Variants in FSIP2 observed in about 807,000 individuals in gnomAD.
FSIP2 encodes the protein fibrous sheath-interacting protein 2.
Under a neutral mutation model 510.5 loss-of-function variants are expected in FSIP2, and 367 were observed. That is an observed-to-expected ratio of 0.72 (90% CI 0.66 to 0.78). FSIP2 has a LOEUF of 0.78. Ranked by LOEUF, FSIP2 falls within the 30% of genes least tolerant of loss-of-function variation. The pLI, the probability that FSIP2 is intolerant of heterozygous loss-of-function variation, is 0.00. For synonymous variants in FSIP2, 2,601 were observed against 2,732.2 expected, an observed-to-expected ratio of 0.95 and a Z score of 1.50; for missense variants, 7,594 against 7,901.7, an observed-to-expected ratio of 0.96 and a Z score of 1.48.
chr2:185,826,807 T>A (rs182965081), intron 20 of FSIP2, among the ~76,000 whole-genome samples: 1 of 151,894 alleles, frequency 6.6e-6, no homozygotes, highest in Admixed American at 6.6e-5. Flanking sequence ...TCTTTTTTGG[T>A]TATGTTGAGA....
chr2:185,829,407 T>C (rs543650237), intron 21 of FSIP2, among the ~76,000 whole-genome samples: 25 of 151,844 alleles, frequency 1.6e-4, no homozygotes, highest in Admixed American at 2.6e-4. Flanking sequence ...CCATTGTGAG[T>C]TTCCTGGGTT....
intron 19 of FSIP2, among the ~76,000 whole-genome samples, chr2:185,824,086 A>G (rs1008832637): frequency 3.3e-5 from 5 of 151,756 alleles, no homozygotes; most frequent in African/African-American, 9.7e-5. Flanking sequence ...GGAGAGAGGG[A>G]AATTAGGCTT....
rs1692392004 is a variant in FSIP2, at chr2:185,763,224, C to T, written c.1282C>T (p.Gln428Ter). The T allele has an allele frequency of 6.6e-7, 1 of 1,517,756 alleles. No individual in the cohort carries two copies. Among genetic ancestry groups the T allele is most frequent in the Non-Finnish European group, 8.8e-7 (1 of 1,130,922 alleles). The allele number at this position is 1,517,756 out of a possible 1,614,324, so 94.0% of individuals were successfully genotyped here. The change falls in exon 12 of 23, where the codon CAG becomes TAG. Residue 428 changes from glutamine (Q) to a stop codon, truncating the protein, a stop_gained. Transcript: ENST00000424728. LOFTEE classifies it high-confidence loss of function. ...ISGQGSIISA[Q>*]VSPTRNFSRV... Reference sequence around the variant, plus strand: ...AGGCCAAGGTTCAATTATTTCAGCGCAGGTATCACCCACGAGAAATTTTTC... The same window carrying T: ...AGGCCAAGGTTCAATTATTTCAGCGTAGGTATCACCCACGAGAAATTTTTC...
Position 185,764,488 on chromosome 2 carries a change from T to C in FSIP2, c.1348-14T>C. 6.6e-7 allele frequency: 1 copy of C among 1,516,596 alleles called. No individual in the cohort carries two copies. The highest frequency in any genetic ancestry group is 8.8e-7 in the Non-Finnish European group (1 of 1,133,008). 93.9% of individuals were successfully genotyped at this position (1,516,596 alleles called of 1,614,324 possible). On this transcript the variant is annotated splice_polypyrimidine_tract_variant and intron_variant, in intron 12 of 22. Coordinates refer to ENST00000424728, the MANE Select transcript of FSIP2 (RefSeq NM_173651.4). ...TTTGTGGATCTATTTGTTTTGCTGTTGTGAATTATGTAGAAGGAGACAAAT... is the reference window on the plus strand; with the variant it reads ...TTTGTGGATCTATTTGTTTTGCTGTCGTGAATTATGTAGAAGGAGACAAAT...
At position 185,803,458 on chromosome 2, in the gene FSIP2, G is replaced by A. The variant is rs1040819132; in HGVS notation, c.14152G>A (p.Asp4718Asn). ...TGAAATGGAAGTCGTGCCCAATAAA[G>A]ATTTTCTAAATGACACAAAGACATT... The part of the protein sequence containing the change: ...EYEMEVVPNK[D>N]FLNDTKTLAA... Residue 4718 changes from aspartate to asparagine, a missense_variant, in exon 17 of 23, where the codon GAT becomes AAT. Physicochemically the swap from Asp to Asn is conservative, Grantham distance 23 (BLOSUM62 1). Transcript: ENST00000424728. The A allele has an allele frequency of 7.2e-6, 11 of 1,529,050 alleles. No homozygotes were observed. In the African/African-American group the frequency reaches 1.4e-4, roughly 19 times the overall value. The allele number at this position is 1,529,050 out of a possible 1,614,324, so 94.7% of individuals were successfully genotyped here.
Position 185,801,454 on chromosome 2 carries a change from G to C in FSIP2, c.12148G>C (p.Val4050Leu). The change falls in exon 17 of 23, where the codon GTT (valine) becomes CTT (leucine). Residue 4050 changes from valine (V) to leucine (L), a missense_variant. Transcript: ENST00000424728. ...AACTGTTAGCAAAATTGTTGACTCA[G>C]TTTATTATGATGTTTTACAGCAGTA... The part of the protein sequence containing the change: ...TETVSKIVDS[V>L]YYDVLQQYEL... The C allele has an allele frequency of 6.5e-7, 1 of 1,533,902 alleles. No homozygotes were observed. The highest frequency in any genetic ancestry group is 8.7e-7 in the Non-Finnish European group (1 of 1,145,454).
chr2:185,808,360 T>C lies in FSIP2; in HGVS notation c.19054T>C (p.Leu6352=), dbSNP rs1213986160. 4 of 1,611,444 alleles carry C rather than the reference T, an allele frequency of 2.5e-6. No homozygotes were observed. The highest frequency in any genetic ancestry group is 3.4e-6 in the Non-Finnish European group (4 of 1,179,158). ...TLDAKLLEEV[L]ALFLAKLIRL... is the part of the protein sequence containing the mutation. ...AGATGCCAAACTTTTAGAAGAGGTG[T>C]TGGCCTTGTTCTTGGCTAAACTAAT... The change falls in exon 17 of 23, where the codon TTG becomes CTG. Residue 6352 remains leucine (L), a synonymous_variant. Transcript: ENST00000424728.
chr2:185,744,463 C>T, intron 4 of FSIP2, 52 bp downstream of exon 4: 1 of 397,148 alleles, frequency 2.5e-6, no homozygotes, highest in Non-Finnish European at 4.3e-6. Context: ...GGAAGAAATG[C>T]TTGATTATAT....
intron 15 of FSIP2, among the ~76,000 whole-genome samples, chr2:185,786,592 T>C (rs1692984485): frequency 6.6e-6 from 1 of 151,928 alleles, no homozygotes; most frequent in Admixed American, 6.6e-5. Context: ...ACAAGCCTAT[T>C]ATATCATGGG....
Position 185,833,073 on chromosome 2 carries a change from G to C in FSIP2, c.20588-17G>C. The C allele has an allele frequency of 1.2e-6, 2 of 1,607,860 alleles. No individual in the cohort carries two copies. The highest frequency in any genetic ancestry group is 1.1e-5 in the South Asian group (1 of 90,604). On this transcript the variant is annotated splice_polypyrimidine_tract_variant and intron_variant, in intron 22 of 22. Coordinates refer to ENST00000424728, the MANE Select transcript of FSIP2 (RefSeq NM_173651.4). The stretch of plus-strand genomic sequence containing the variant: ...CAAAAATAAAGATATCATTCTTCTT[G>C]TTTACTTTGTCCACAGAAACTCCCA...
chr2:185,745,486 TG>T lies in FSIP2; in HGVS notation c.536del (p.Cys179LeufsTer11), dbSNP rs1559009017. ...IPENNQIPQH[C>X]DVAQVQNWLL... Reference sequence around the variant, plus strand: ...GGAAAACAATCAAATCCCTCAACATTGTGATGTTGCACAAGTCCAAAACTGG... The same window carrying T: ...GGAAAACAATCAAATCCCTCAACATTTGATGTTGCACAAGTCCAAAACTGG... On this transcript the variant is annotated frameshift_variant, in exon 5 of 23. Transcript: ENST00000424728. LOFTEE classifies it high-confidence loss of function. The T allele has an allele frequency of 6.5e-7, 1 of 1,534,554 alleles. No individual in the cohort carries two copies. The highest frequency in any genetic ancestry group is 2.0e-5 in the Admixed American group (1 of 50,958).
Position 185,794,080 on chromosome 2 carries a change from C to T in FSIP2, c.6944C>T (p.Ser2315Leu), listed in dbSNP as rs1693208755. 6.5e-7 allele frequency: 1 copy of T among 1,530,590 alleles called. No homozygotes were observed. Among genetic ancestry groups the T allele is most frequent in the East Asian group, 2.5e-5 (1 of 40,752 alleles). The allele number at this position is 1,530,590 out of a possible 1,614,324, so 94.8% of individuals were successfully genotyped here. A position where few individuals can be genotyped will look rare whatever the true frequency, so the allele number is the denominator to read the frequency against. The change falls in exon 16 of 23, where the codon TCA (serine) becomes TTA (leucine). Residue 2315 changes from serine to leucine, a missense_variant. Ser to Leu is a moderately radical substitution (Grantham distance 145). Transcript: ENST00000424728. ...VESDVNVLKISATETILSQEL... is the reference protein window; with the variant it reads ...VESDVNVLKILATETILSQEL... The stretch of plus-strand genomic sequence containing the variant: ...TCAGATGTAAATGTCCTGAAAATAT[C>T]AGCAACTGAAACCATTCTCAGCCAA...
At position 185,797,431 on chromosome 2, in the gene FSIP2, T is replaced by C. The variant is rs1337289222; in HGVS notation, c.10295T>C (p.Phe3432Ser). 6.5e-7 allele frequency: 1 copy of C among 1,531,894 alleles called. No individual in the cohort carries two copies. Among genetic ancestry groups the C allele is most frequent in the Non-Finnish European group, 8.7e-7 (1 of 1,145,464 alleles). 94.9% of individuals were successfully genotyped at this position (1,531,894 alleles called of 1,614,324 possible). ...GTGAAGGAAGTTGAAGCCTTTACTT[T>C]TGCTGATCATGAAATGGGTTCCAAT... ...ETVKEVEAFTFADHEMGSNEV... is the reference protein window; with the variant it reads ...ETVKEVEAFTSADHEMGSNEV... The change falls in exon 16 of 23, where the codon TTT becomes TCT. Residue 3432 changes from phenylalanine to serine, a missense_variant. Phe to Ser is a radical substitution (Grantham distance 155). Transcript: ENST00000424728.
In FSIP2 at chr2:185,792,484, A is replaced by G. The variant is rs1469288007; in HGVS notation, c.5348A>G (p.Asn1783Ser). The G allele has an allele frequency of 6.5e-7, 1 of 1,530,052 alleles. No individual in the cohort carries two copies. The highest frequency in any genetic ancestry group is 1.7e-4 in the Middle Eastern group (1 of 5,960). 94.8% of individuals were successfully genotyped at this position (1,530,052 alleles called of 1,614,324 possible). A position where few individuals can be genotyped will look rare whatever the true frequency, so the allele number is the denominator to read the frequency against. The change falls in exon 16 of 23, where the codon AAT becomes AGT. Residue 1783 changes from asparagine (N) to serine (S), a missense_variant. Coordinates refer to ENST00000424728, the MANE Select transcript of FSIP2 (RefSeq NM_173651.4). ...HISPIAPIIR[N>S]ILNEIFQSTL... ...TCTCCAATTGCTCCCATTATAAGAA[A>G]TATTTTGAATGAAATTTTTCAAAGT...
intron 12 of FSIP2, among the ~76,000 whole-genome samples, chr2:185,763,912 C>T (rs1183099849): frequency 2.6e-5 from 4 of 151,446 alleles, no homozygotes; most frequent in South Asian, 2.1e-4. Flanking sequence ...TACCACAATG[C>T]GATTTTCTGT....
At position 185,801,045 on chromosome 2, in the gene FSIP2, A is replaced by T. The variant is rs1037668535; in HGVS notation, c.11739A>T (p.Thr3913=). Residue 3913 remains threonine, a synonymous_variant, in exon 17 of 23, where the codon ACA becomes ACT. Transcript: ENST00000424728. ...GGAGCTATGATAGTAATTCTTTGACAGTATCCCTGAATAATCCCAGTGTGG... is the reference window on the plus strand; with the variant it reads ...GGAGCTATGATAGTAATTCTTTGACTGTATCCCTGAATAATCCCAGTGTGG... ...ELRSYDSNSL[T]VSLNNPSVVS... 22 of 1,532,314 alleles carry T rather than the reference A, an allele frequency of 1.4e-5. No individual in the cohort carries two copies. The African/African-American group carries it at 3.0e-4, about 21-fold the overall frequency. 94.9% of individuals were successfully genotyped at this position (1,532,314 alleles called of 1,614,324 possible).
Position 185,792,708 on chromosome 2 carries a change from G to A in FSIP2, c.5572G>A (p.Ala1858Thr), listed in dbSNP as rs1368921102. ...RTVFHKLYSAAMTERNVRENR... is the reference protein window; with the variant it reads ...RTVFHKLYSATMTERNVRENR... ...TGTATTTCACAAACTTTATTCAGCT[G>A]CCATGACAGAAAGAAATGTAAGGGA... The change falls in exon 16 of 23, where the codon GCC becomes ACC. Residue 1858 changes from alanine (A) to threonine (T), a missense_variant. Transcript: ENST00000424728. The A allele has an allele frequency of 1.2e-5, 18 of 1,533,868 alleles. No homozygotes were observed. Among genetic ancestry groups the A allele is most frequent in the East Asian group, 2.4e-5 (1 of 40,822 alleles).
At chr2:185,738,642 G>C (rs1005283262), upstream of FSIP2, 9 of 1,536,044 alleles carry the variant, frequency 5.9e-6, no homozygotes, top group Non-Finnish European at 7.8e-6. Context: ...AGTTTCAACT[G>C]TGGTCCTCTC....
Position 185,822,753 on chromosome 2 carries a change from C to A in FSIP2, c.20427-1681C>A, listed in dbSNP as rs567326378. 1.3e-3 allele frequency among the ~76,000 whole-genome samples: 204 copies of A among 151,722 alleles called. 1 individual carries two copies. Among genetic ancestry groups the A allele is most frequent in the African/African-American group, 4.7e-3 (195 of 41,446 alleles). ...TCTCAAGAGACTCTTAATAGGAAAA[C>A]AATCTTAAAATAGAATAAAAATGCA... On this transcript the variant is annotated intron_variant, in intron 19 of 22. Transcript: ENST00000424728.
Sources: allele counts gnomAD v4.1 joint callset (sites outside exome capture counted in the v4.1 genomes callset), GRCh38; gene constraint gnomAD v4.1.1; transcripts MANE v1.5; gene names NCBI Gene and HGNC (gene_info 2026-07-23, HGNC 2026-07-21).